Variants in ADAMTS17 observed in about 807,000 individuals in gnomAD.
The protein encoded by ADAMTS17 is ADAM metallopeptidase with thrombospondin type 1 motif 17, also known as A disintegrin and metalloproteinase with thrombospondin motifs 17.
A neutral mutation model predicts 141.5 loss-of-function variants in ADAMTS17; 113 were observed. The observed-to-expected ratio is 0.80, with a 90% CI of 0.69 to 0.93. The LOEUF (loss-of-function observed/expected upper bound fraction) is 0.93. ADAMTS17 is among the 40% of genes least tolerant of loss of function. ADAMTS17 has a pLI of 0.00. For missense variants in ADAMTS17, 1,659 were observed against 1,517.9 expected (o/e 1.09, Z -1.54); for synonymous variants, 768 against 630.6 (o/e 1.22, Z -3.27).
intron 2 of ADAMTS17, among the ~76,000 whole-genome samples, chr15:100,334,438 G>A (rs1030295759): frequency 6.6e-6 from 1 of 152,166 alleles, no homozygotes; most frequent in Admixed American, 6.5e-5. Flanking sequence ...GTCAAGATGG[G>A]TTGAGAGGAT....
rs575819784 is a variant in ADAMTS17 at position 100,313,708 on chromosome 15, G to A, written c.616+17181C>T. ...AACACAACATCACTGCTTTCTTGCT[G>A]GACACGTACACCCCAAATGTCACCA... On this transcript the variant is annotated intron_variant, in intron 3 of 21. Transcript: ENST00000268070. Among the ~76,000 whole-genome samples, 10 of 151,800 alleles carry A rather than the reference G, an allele frequency of 6.6e-5. No homozygotes were observed. The South Asian group carries it at 2.1e-3, about 32-fold the overall frequency.
intron 7 of ADAMTS17, among the ~76,000 whole-genome samples, chr15:100,209,930 GAA>G (rs1213259442): frequency 6.6e-6 from 1 of 152,128 alleles, no homozygotes. Context: ...CAAAGGTCAA[GAA>G]AAACAAATGT....
At chr15:100,012,693 G>C (rs988814297) in intron 18 of ADAMTS17, among the ~76,000 whole-genome samples, 2 of 152,154 alleles carry the variant, frequency 1.3e-5, no homozygotes, top group African/African-American at 2.4e-5. Context: ...TCAGTTGGCT[G>C]TAAGTATTTG....
At chr15:99,975,400 G>T (rs867792182) in intron 21 of ADAMTS17, among the ~76,000 whole-genome samples, 2 of 152,088 alleles carry the variant, frequency 1.3e-5, no homozygotes, top group Non-Finnish European at 2.9e-5. Context: ...AGTAGAGAAG[G>T]GGTTTCACCA....
At chr15:100,044,646 C>A (rs2031534467) in intron 18 of ADAMTS17, among the ~76,000 whole-genome samples, 1 of 152,194 alleles carries the variant, frequency 6.6e-6, no homozygotes, top group Admixed American at 6.5e-5. Context: ...TACATGTCAT[C>A]TTCCAGTCAG....
At chr15:100,161,371 T>C (rs566556739) in intron 8 of ADAMTS17, among the ~76,000 whole-genome samples, 1 of 152,114 alleles carries the variant, frequency 6.6e-6, no homozygotes, top group Non-Finnish European at 1.5e-5. Flanking sequence ...GGTGTAGGCG[T>C]CAGGTCCGGC....
At chr15:100,290,894 C>T (rs2044604545) in intron 3 of ADAMTS17, among the ~76,000 whole-genome samples, 1 of 152,124 alleles carries the variant, frequency 6.6e-6, no homozygotes, top group African/African-American at 2.4e-5. Context: ...ACTATAAAAA[C>T]TCTGGAAAAA....
chr15:100,220,962 G>A (rs1353558862), intron 7 of ADAMTS17, among the ~76,000 whole-genome samples: 1 of 152,146 alleles, frequency 6.6e-6, no homozygotes, highest in Non-Finnish European at 1.5e-5. Flanking sequence ...CGGATAATGC[G>A]ACTGTGATTA....
intron 3 of ADAMTS17, among the ~76,000 whole-genome samples, chr15:100,327,327 T>TA: frequency 6.6e-6 from 1 of 152,334 alleles, no homozygotes; most frequent in Non-Finnish European, 1.5e-5. Flanking sequence ...CAAACAATAC[T>TA]AAAAAATAAC....
intron 3 of ADAMTS17, among the ~76,000 whole-genome samples, chr15:100,325,279 A>T (rs1284867273): frequency 6.6e-6 from 1 of 152,278 alleles, no homozygotes; most frequent in Admixed American, 6.5e-5. Flanking sequence ...CCAGATTCCT[A>T]TGTTGAAGTC....
At chr15:100,213,035 G>T (rs895347274) in intron 7 of ADAMTS17, among the ~76,000 whole-genome samples, 1 of 152,080 alleles carries the variant, frequency 6.6e-6, no homozygotes, top group Non-Finnish European at 1.5e-5. Flanking sequence ...GCACATATCC[G>T]TAGTTTAACA....
At chr15:100,231,334 T>C (rs576904812) in intron 7 of ADAMTS17, among the ~76,000 whole-genome samples, 2 of 152,214 alleles carry the variant, frequency 1.3e-5, no homozygotes, top group Admixed American at 6.5e-5. Context: ...ATGACCCCTA[T>C]GTCTAACTCT....
At chr15:100,165,556 A>G (rs74037522) in intron 8 of ADAMTS17, among the ~76,000 whole-genome samples, 3,187 of 152,320 alleles carry the variant, frequency 0.021, 129 homozygotes, top group East Asian at 0.17. Flanking sequence ...TCTAGAGCCA[A>G]TGCAGGCAAA....
At chr15:100,311,457 TAAATAATA>T (rs1460249977) in intron 3 of ADAMTS17, among the ~76,000 whole-genome samples, 1 of 152,200 alleles carries the variant, frequency 6.6e-6, no homozygotes, top group Non-Finnish European at 1.5e-5. Context: ...GTGTGCACTT[TAAATAATA>T]AACTATGAAT....
At chr15:100,297,889 A>T (rs1451095989) in intron 3 of ADAMTS17, among the ~76,000 whole-genome samples, 1 of 152,210 alleles carries the variant, frequency 6.6e-6, no homozygotes, top group African/African-American at 2.4e-5. Flanking sequence ...AAAGAAGGCC[A>T]AGCTACGACA....
chr15:100,055,338 G>A (rs2032477543), intron 15 of ADAMTS17, among the ~76,000 whole-genome samples: 1 of 152,210 alleles, frequency 6.6e-6, no homozygotes, highest in Non-Finnish European at 1.5e-5. Context: ...TTTGGTTACT[G>A]CTGAATTCAT....
At chr15:100,198,871 G>A (rs1039098649) in intron 8 of ADAMTS17, among the ~76,000 whole-genome samples, 1 of 152,222 alleles carries the variant, frequency 6.6e-6, no homozygotes, top group African/African-American at 2.4e-5. Flanking sequence ...ATCCACAGCT[G>A]TTAATTCTTC....
At chr15:100,109,797 T>G (rs866251651) in intron 13 of ADAMTS17, among the ~76,000 whole-genome samples, 1 of 152,096 alleles carries the variant, frequency 6.6e-6, no homozygotes, top group Non-Finnish European at 1.5e-5. Flanking sequence ...TTGCCCGGTG[T>G]GCGCTCTCTG....
chr15:100,151,024 A>C (rs1596566526), intron 10 of ADAMTS17, among the ~76,000 whole-genome samples: 1 of 152,224 alleles, frequency 6.6e-6, no homozygotes, highest in African/African-American at 2.4e-5. Context: ...CAAGCCACAC[A>C]GTGGCTGATG....
Sources: gnomAD v4.1 joint callset for allele counts (sites outside exome capture counted in the v4.1 genomes callset) on GRCh38, gnomAD v4.1.1 for gene constraint, MANE v1.5 for transcripts, NCBI Gene and HGNC (gene_info 2026-07-23, HGNC 2026-07-21) for gene names.